FYB2: variants seen among roughly 807,000 people sequenced by gnomAD.
FYB2 encodes the protein FYN binding protein 2, also known as FYN-binding protein 2.
In FYB2, 103 loss-of-function variants were observed where a neutral mutation model predicts 94.1. The observed-to-expected ratio is 1.09, with a 90% CI of 0.93 to 1.29. The LOEUF is 1.29. FYB2 is among the 50% of genes most tolerant of loss of function. FYB2 has a pLI of 0.00. For synonymous variants in FYB2, 293 were observed against 287.9 expected (o/e 1.02, Z -0.18); for missense variants, 896 against 841.5 (o/e 1.06, Z -0.80).
rs1646106468 is a variant in FYB2 at position 56,785,220 on chromosome 1, G to A, written c.953+1955C>T. 2.6e-5 allele frequency among the ~76,000 whole-genome samples: 4 copies of A among 152,316 alleles called. No individual in the cohort carries two copies. In the South Asian group the frequency reaches 8.3e-4, roughly 32 times the overall value. ...TTTCTTTGATTTAAATGCCAGAGAA[G>A]AGGTCAGCTTAGATTAGAACCAATC... On this transcript the variant is annotated intron_variant, in intron 4 of 19. Coordinates refer to ENST00000343433, the MANE Select transcript of FYB2 (RefSeq NM_001004303.5).
intron 1 of FYB2, among the ~76,000 whole-genome samples, chr1:56,810,980 T>C (rs1205508587): frequency 6.6e-6 from 1 of 152,232 alleles, no homozygotes; most frequent in African/African-American, 2.4e-5. Flanking sequence ...TCTCAGTAGA[T>C]GGTGAACTCC....
intron 1 of FYB2, among the ~76,000 whole-genome samples, chr1:56,811,424 G>A (rs1200762601): frequency 6.6e-6 from 1 of 152,068 alleles, no homozygotes; most frequent in Non-Finnish European, 1.5e-5. Flanking sequence ...TGCTTACTTA[G>A]AAATTCCAGG....
chr1:56,812,590 T>C (rs929567189), intron 1 of FYB2, among the ~76,000 whole-genome samples: 3 of 152,214 alleles, frequency 2.0e-5, no homozygotes, highest in Non-Finnish European at 4.4e-5. Context: ...TGTTTCATTA[T>C]TTTGATTAAT....
chr1:56,799,024 T>C (rs1646462304), intron 1 of FYB2, among the ~76,000 whole-genome samples: 1 of 152,252 alleles, frequency 6.6e-6, no homozygotes, highest in South Asian at 2.1e-4. Flanking sequence ...TCCCCTTTGC[T>C]AGTTTCAGAG....
intron 2 of FYB2, among the ~76,000 whole-genome samples, chr1:56,790,346 C>T (rs951260487): frequency 1.3e-5 from 2 of 152,128 alleles, no homozygotes; most frequent in African/African-American, 4.8e-5. Context: ...TTACAAGTAG[C>T]GTTGTCAAAA....
rs554124356 is a variant in FYB2 at position 56,736,960 on chromosome 1, C to G, written c.1793+127G>C. On this transcript the variant is annotated intron_variant, in intron 15 of 19. Coordinates refer to ENST00000343433, the MANE Select transcript of FYB2 (RefSeq NM_001004303.5). ...GTGTTTTCCCCTCTTAGTGAGAAGA[C>G]TATCTTAAGTTGACTTTTCATTCAA... 8.2e-6 allele frequency: 6 copies of G among 732,942 alleles called. No individual in the cohort carries two copies. The African/African-American group carries it at 1.1e-4, about 14-fold the overall frequency. The allele number at this position is 732,942 out of a possible 1,614,324, so 45.4% of individuals were successfully genotyped here.
At chr1:56,742,348 T>C in intron 11 of FYB2, 127 bp from the exon 12 acceptor site, 1 of 610,618 alleles carries the variant, frequency 1.6e-6, no homozygotes, top group Admixed American at 3.9e-5. Flanking sequence ...TAAATAGTTT[T>C]TACTGAAACT....
At chr1:56,748,008 G>A (rs949476710) in intron 9 of FYB2, among the ~76,000 whole-genome samples, 50 of 152,164 alleles carry the variant, frequency 3.3e-4, no homozygotes, top group African/African-American at 1.2e-3. Context: ...CAGTGATGAT[G>A]AGCTTTTTTT....
chr1:56,806,926 G>A (rs1271071021), intron 1 of FYB2, among the ~76,000 whole-genome samples: 1 of 152,172 alleles, frequency 6.6e-6, no homozygotes, highest in Non-Finnish European at 1.5e-5. Context: ...TTGGCAGCCT[G>A]GGGATCACGG....
chr1:56,799,750 C>G (rs965501046), intron 1 of FYB2, among the ~76,000 whole-genome samples: 1 of 152,094 alleles, frequency 6.6e-6, no homozygotes, highest in African/African-American at 2.4e-5. Flanking sequence ...GTTATTTCAT[C>G]CTCTCCTGAG....
chr1:56,779,778 T>C (rs530827584), intron 4 of FYB2, among the ~76,000 whole-genome samples: 2 of 152,256 alleles, frequency 1.3e-5, no homozygotes, highest in African/African-American at 4.8e-5. Context: ...ATATGATCCT[T>C]CTTTCATGGA....
intron 13 of FYB2, among the ~76,000 whole-genome samples, chr1:56,739,552 G>C (rs1385354586): frequency 1.3e-5 from 2 of 152,038 alleles, no homozygotes; most frequent in African/African-American, 4.8e-5. Context: ...AATTATTTTA[G>C]CATCTTCTGC....
At chr1:56,819,150 A>G in intron 1 of FYB2, 132 bp downstream of exon 1, 1 of 965,622 alleles carries the variant, frequency 1.0e-6, no homozygotes, top group African/African-American at 1.7e-5. Context: ...ACTGGCTGAC[A>G]CCTGACATGT....
At chr1:56,742,367 T>A in intron 11 of FYB2, 146 bp from the exon 12 acceptor site, 3 of 556,906 alleles carry the variant, frequency 5.4e-6, no homozygotes, top group Non-Finnish European at 9.0e-6. Flanking sequence ...CTCACCCACA[T>A]GTTTTTAAAA....
At chr1:56,802,728 G>A (rs1646550244) in intron 1 of FYB2, among the ~76,000 whole-genome samples, 1 of 152,322 alleles carries the variant, frequency 6.6e-6, no homozygotes, top group African/African-American at 2.4e-5. Context: ...GGCAATAAGA[G>A]AGGAGGAAAT....
At chr1:56,783,153 G>A (rs1420515607) in intron 4 of FYB2, among the ~76,000 whole-genome samples, 1 of 152,156 alleles carries the variant, frequency 6.6e-6, no homozygotes. Context: ...GAGAAACTGA[G>A]ACTCATTGAG....
chr1:56,792,247 T>C lies in FYB2; in HGVS notation c.566A>G (p.Lys189Arg), dbSNP rs1646286386. The C allele has an allele frequency of 6.2e-7, 1 of 1,612,238 alleles. No homozygotes were observed. Among genetic ancestry groups the C allele is most frequent in the Non-Finnish European group, 8.5e-7 (1 of 1,179,570 alleles). The stretch of plus-strand genomic sequence containing the variant: ...CTGGGAAGGAAGAGTCTGGGCTCCT[T>C]TTGTTTCCAGCTTTTTCCTGGGTTC... ...PEEPRKKLET[K>R]GAQTLPSQKH... The change falls in exon 2 of 20, where the codon AAA becomes AGA. Residue 189 changes from lysine (K) to arginine (R), a missense_variant. Lys to Arg is a conservative substitution (Grantham distance 26). Coordinates refer to ENST00000343433, the MANE Select transcript of FYB2 (RefSeq NM_001004303.5).
At chr1:56,795,341 T>C (rs1337705088) in intron 1 of FYB2, among the ~76,000 whole-genome samples, 1 of 152,128 alleles carries the variant, frequency 6.6e-6, no homozygotes, top group Non-Finnish European at 1.5e-5. Flanking sequence ...TAATATATCA[T>C]AGTGTATATA....
intron 1 of FYB2, among the ~76,000 whole-genome samples, chr1:56,807,344 A>G (rs12408283): frequency 0.09 from 13,664 of 152,230 alleles, 775 homozygotes; most frequent in Middle Eastern, 0.14. Flanking sequence ...TGTTTTCTAT[A>G]TTAGAGTCCC....
Sources: gnomAD v4.1 joint callset for allele counts (sites outside exome capture counted in the v4.1 genomes callset) on GRCh38, gnomAD v4.1.1 for gene constraint, MANE v1.5 for transcripts, NCBI Gene and HGNC (gene_info 2026-07-23, HGNC 2026-07-21) for gene names.